GLIS3: variants seen among roughly 807,000 people sequenced by gnomAD.
GLIS3 encodes zinc finger protein GLIS3.
In GLIS3, 53 loss-of-function variants were observed where a neutral mutation model predicts 78.6. The ratio of observed to expected loss-of-function variants is 0.67; its 90% CI spans 0.54 to 0.85. The LOEUF is 0.85. GLIS3 is among the 40% of genes least tolerant of loss of function. The pLI is 0.00. For synonymous variants in GLIS3, 684 were observed against 509.9 expected, an observed-to-expected ratio of 1.34 and a Z score of -4.60; for missense variants, 1,703 against 1,231.1, an observed-to-expected ratio of 1.38 and a Z score of -5.74.
intron 1 of GLIS3, among the ~76,000 whole-genome samples, chr9:4,296,016 A>AT (rs1816467462): frequency 6.6e-6 from 1 of 152,174 alleles, no homozygotes; most frequent in Non-Finnish European, 1.5e-5. Context: ...GGAAAAGTAA[A>AT]ACAGTTAAGT....
chr9:4,135,044 G>A (rs1833297554), intron 2 of GLIS3, among the ~76,000 whole-genome samples: 1 of 152,078 alleles, frequency 6.6e-6, no homozygotes, highest in Admixed American at 6.6e-5. Context: ...ATATTCTGGT[G>A]GGAAAGAAAT....
the GLIS3 span, among the ~76,000 whole-genome samples, chr9:4,435,084 T>C: frequency 2.6e-5 from 4 of 152,230 alleles, no homozygotes; most frequent in Non-Finnish European, 5.9e-5. Context: ...TCACAGACAA[T>C]TCTCTGCAAA....
At chr9:3,930,814 G>A (rs912947572) in intron 6 of GLIS3, among the ~76,000 whole-genome samples, 2 of 151,494 alleles carry the variant, frequency 1.3e-5, no homozygotes, top group African/African-American at 4.9e-5. Flanking sequence ...TTAGGGGGAA[G>A]AAAACCCCCT....
chr9:4,005,099 C>G (rs1192768371), intron 4 of GLIS3, among the ~76,000 whole-genome samples: 1 of 152,186 alleles, frequency 6.6e-6, no homozygotes, highest in Non-Finnish European at 1.5e-5. Flanking sequence ...ACAGCTCCCA[C>G]TTTCCCACAT....
At chr9:4,401,779 A>G in the GLIS3 span, among the ~76,000 whole-genome samples, 1 of 151,348 alleles carries the variant, frequency 6.6e-6, no homozygotes, top group Non-Finnish European at 1.5e-5. Context: ...CATATTTTTA[A>G]CAGACAGTAT....
chr9:4,210,963 G>C (rs566833113), intron 2 of GLIS3, among the ~76,000 whole-genome samples: 2 of 152,278 alleles, frequency 1.3e-5, no homozygotes, highest in South Asian at 2.1e-4. Context: ...TCTGCGCAGA[G>C]TTTCCACTAT....
At chr9:4,481,471 C>T in the GLIS3 span, among the ~76,000 whole-genome samples, 1 of 149,986 alleles carries the variant, frequency 6.7e-6, no homozygotes, top group Admixed American at 6.7e-5. Flanking sequence ...CAGAGCAAGA[C>T]CCCATCAAAA....
chr9:4,136,157 T>C (rs575489402), intron 2 of GLIS3, among the ~76,000 whole-genome samples: 2 of 152,276 alleles, frequency 1.3e-5, no homozygotes, highest in South Asian at 4.1e-4. Context: ...ATGCTGGATA[T>C]AACATCCTAC....
At chr9:4,225,423 G>T (rs528479398) in intron 2 of GLIS3, among the ~76,000 whole-genome samples, 2 of 152,284 alleles carry the variant, frequency 1.3e-5, no homozygotes, top group Non-Finnish European at 2.9e-5. Flanking sequence ...ATTAGAAAAT[G>T]CATGAGTAAT....
At chr9:4,482,373 C>T in the GLIS3 span, among the ~76,000 whole-genome samples, 14 of 152,272 alleles carry the variant, frequency 9.2e-5, no homozygotes, top group African/African-American at 3.4e-4. Flanking sequence ...CAGTTCTTTT[C>T]TTCTTCAATT....
intron 6 of GLIS3, among the ~76,000 whole-genome samples, chr9:3,916,412 G>A (rs928715704): frequency 1.3e-5 from 2 of 152,218 alleles, no homozygotes; most frequent in African/African-American, 4.8e-5. Flanking sequence ...AAACCGGGGT[G>A]TCCCCCTGCG....
At chr9:4,155,481 T>C (rs903907525) in intron 2 of GLIS3, among the ~76,000 whole-genome samples, 1 of 152,232 alleles carries the variant, frequency 6.6e-6, no homozygotes, top group African/African-American at 2.4e-5. Flanking sequence ...CCCTTTTCAA[T>C]ATTTAGCGTA....
At chr9:4,458,956 A>G in the GLIS3 span, among the ~76,000 whole-genome samples, 36 of 152,188 alleles carry the variant, frequency 2.4e-4, no homozygotes, top group Non-Finnish European at 2.9e-5. Flanking sequence ...ATAAGAGGCA[A>G]GATCAGAAAG....
intron 4 of GLIS3, among the ~76,000 whole-genome samples, chr9:4,095,505 T>G (rs747097779): frequency 1.3e-5 from 2 of 152,188 alleles, no homozygotes; most frequent in Non-Finnish European, 2.9e-5. Context: ...CTGCTATGTT[T>G]TATAGAATTC....
chr9:4,131,194 T>A (rs1486023631), intron 2 of GLIS3, among the ~76,000 whole-genome samples: 1 of 152,212 alleles, frequency 6.6e-6, no homozygotes, highest in Non-Finnish European at 1.5e-5. Context: ...GTTTTTTGAT[T>A]TTACAGGCTC....
At chr9:4,024,512 C>A (rs950219946) in intron 4 of GLIS3, among the ~76,000 whole-genome samples, 6 of 152,220 alleles carry the variant, frequency 3.9e-5, no homozygotes, top group Admixed American at 3.9e-4. Flanking sequence ...CTAATTAGGG[C>A]AGAACTAAAT....
At chr9:3,878,912 T>C (rs1821516302) in intron 8 of GLIS3, 1 of 162,206 alleles carries the variant, frequency 6.2e-6, no homozygotes, top group African/African-American at 2.4e-5. Flanking sequence ...GAAAGGCCTC[T>C]GGGGCCAATA....
At chr9:4,038,153 C>G (rs1293612549) in intron 4 of GLIS3, among the ~76,000 whole-genome samples, 1 of 152,170 alleles carries the variant, frequency 6.6e-6, no homozygotes, top group Non-Finnish European at 1.5e-5. Context: ...AATTTTGTCA[C>G]TCTTGGATTA....
At chr9:4,179,800 C>T (rs1817137408) in intron 2 of GLIS3, among the ~76,000 whole-genome samples, 2 of 151,914 alleles carry the variant, frequency 1.3e-5, no homozygotes, top group South Asian at 4.2e-4. Flanking sequence ...ATCCCAGCTA[C>T]CCAGGAGGCT....
Sources: allele counts gnomAD v4.1 joint callset (sites outside exome capture counted in the v4.1 genomes callset), GRCh38; gene constraint gnomAD v4.1.1; transcripts MANE v1.5; gene names NCBI Gene and HGNC (gene_info 2026-07-23, HGNC 2026-07-21).